The following GPR137B variants were observed in gnomAD, a reference collection of about 807,000 sequenced individuals.
The protein encoded by GPR137B is G protein-coupled receptor 137B.
A neutral mutation model predicts 42.5 loss-of-function variants in GPR137B; 42 were observed. The observed-to-expected ratio is 0.99, with a 90% CI of 0.77 to 1.28. GPR137B has a LOEUF of 1.28. Ranked by LOEUF, GPR137B falls within the 50% of genes most tolerant of loss-of-function variation. The pLI is 0.00. For synonymous variants in GPR137B, 218 were observed against 209.7 expected (o/e 1.04, Z -0.34); for missense variants, 487 against 493.9 (o/e 0.99, Z 0.13).
intron 1 of GPR137B, among the ~76,000 whole-genome samples, chr1:236,159,176 G>C (rs1662114223): frequency 6.6e-6 from 1 of 151,912 alleles, no homozygotes; most frequent in Non-Finnish European, 1.5e-5. Flanking sequence ...CAGGCATTTG[G>C]GCTGCACCTG....
At chr1:236,203,735 T>C (rs1472810189) in intron 5 of GPR137B, among the ~76,000 whole-genome samples, 1 of 152,212 alleles carries the variant, frequency 6.6e-6, no homozygotes, top group Non-Finnish European at 1.5e-5. Context: ...CTTTCACTTC[T>C]TTGTTTAATT....
intron 2 of GPR137B, among the ~76,000 whole-genome samples, chr1:236,169,775 C>T (rs950045900): frequency 2.0e-5 from 3 of 152,074 alleles, no homozygotes; most frequent in African/African-American, 7.2e-5. Context: ...CACGGTGGCT[C>T]ACGCCTGTAA....
chr1:236,192,636 C>G (rs371699394), intron 5 of GPR137B, among the ~76,000 whole-genome samples: 2 of 152,036 alleles, frequency 1.3e-5, no homozygotes, highest in African/African-American at 4.8e-5. Flanking sequence ...GGCGACACCC[C>G]ACCCTGCTTC....
chr1:236,208,662 C>T lies in GPR137B; in HGVS notation c.*504C>T. ...TGGTAGACTCCTAAAATACAGTTGA[C>T]AACTTAGCCAATTGCAACTCCAGTG... On this transcript the variant is annotated 3_prime_UTR_variant, in exon 7 of 7. Transcript: ENST00000366592. The T allele has an allele frequency of 1.0e-6, 1 of 985,548 alleles. No individual in the cohort carries two copies. The highest frequency in any genetic ancestry group is 1.2e-6 in the Non-Finnish European group (1 of 829,750). 61.1% of individuals were successfully genotyped at this position (985,548 alleles called of 1,614,324 possible).
intron 6 of GPR137B, among the ~76,000 whole-genome samples, chr1:236,205,731 G>C (rs938204093): frequency 6.6e-6 from 1 of 152,168 alleles, no homozygotes; most frequent in Non-Finnish European, 1.5e-5. Flanking sequence ...AGTAGAGACG[G>C]GGTTTTGCCA....
chr1:236,207,050 C>T (rs1022408804), intron 6 of GPR137B: 6 of 592,918 alleles, frequency 1.0e-5, no homozygotes, highest in Non-Finnish European at 1.3e-5. Context: ...AAAATATATG[C>T]TTGCCTTTTT....
chr1:236,195,929 C>A (rs1663319804), intron 5 of GPR137B, among the ~76,000 whole-genome samples: 1 of 152,126 alleles, frequency 6.6e-6, no homozygotes, highest in Admixed American at 6.5e-5. Flanking sequence ...ATCTTTTGCC[C>A]ATTTTTAATT....
intron 1 of GPR137B, among the ~76,000 whole-genome samples, chr1:236,149,452 C>A (rs1661774580): frequency 6.6e-6 from 1 of 152,174 alleles, no homozygotes; most frequent in Admixed American, 6.5e-5. Flanking sequence ...GGGTCATAGT[C>A]CTCATTCTTG....
chr1:236,184,745 G>T (rs12075701), intron 5 of GPR137B, among the ~76,000 whole-genome samples: 12,369 of 151,630 alleles, frequency 0.082, 1,470 homozygotes, highest in African/African-American at 0.26. Flanking sequence ...GTCAATGGTG[G>T]TTTTTTTTGT....
chr1:236,198,183 T>C (rs138570015), intron 5 of GPR137B, among the ~76,000 whole-genome samples: 12 of 152,294 alleles, frequency 7.9e-5, no homozygotes, highest in African/African-American at 2.9e-4. Flanking sequence ...TTTAGAATTT[T>C]TTCTATTTCT....
intron 5 of GPR137B, among the ~76,000 whole-genome samples, 160 bp downstream of exon 5, chr1:236,184,066 A>T (rs765877289): frequency 6.6e-6 from 1 of 152,128 alleles, no homozygotes; most frequent in Non-Finnish European, 1.5e-5. Flanking sequence ...CATTTCCCTT[A>T]TCTTTTGAGG....
chr1:236,197,397 C>A (rs1225625682), intron 5 of GPR137B, among the ~76,000 whole-genome samples: 3 of 152,036 alleles, frequency 2.0e-5, no homozygotes, highest in African/African-American at 7.2e-5. Context: ...TTAATTAGGT[C>A]CCATGTATTT....
chr1:236,161,782 A>G (rs1379872480), intron 1 of GPR137B, among the ~76,000 whole-genome samples: 1 of 152,066 alleles, frequency 6.6e-6, no homozygotes, highest in African/African-American at 2.4e-5. Flanking sequence ...CCGCCATGTA[A>G]GAAATGCCTT....
At chr1:236,194,468 A>G (rs1406867605) in intron 5 of GPR137B, among the ~76,000 whole-genome samples, 3 of 152,166 alleles carry the variant, frequency 2.0e-5, no homozygotes, top group African/African-American at 7.2e-5. Context: ...TTTGCTCCTT[A>G]TGTTTGGCTG....
At chr1:236,146,459 G>T (rs1429813686) in intron 1 of GPR137B, among the ~76,000 whole-genome samples, 1 of 152,144 alleles carries the variant, frequency 6.6e-6, no homozygotes, top group Non-Finnish European at 1.5e-5. Flanking sequence ...GTCCGAGATG[G>T]GGAGGAAGCT....
chr1:236,182,067 T>G (rs1253023161), intron 4 of GPR137B, among the ~76,000 whole-genome samples: 2 of 152,050 alleles, frequency 1.3e-5, no homozygotes, highest in Non-Finnish European at 1.5e-5. Context: ...AATTTTTTTG[T>G]ATTTTTAGTA....
rs1402157846 is a variant in GPR137B, at chr1:236,179,996, TTTGA to T, written c.808_811del (p.Asp270MetfsTer12). ...TTCTCAGAACAAGAGCGTCCATTCC[TTTGA>T]TTATGACTGGTACAATGTATCAGAC... On this transcript the variant is annotated frameshift_variant, in exon 4 of 7. Coordinates refer to ENST00000366592, the MANE Select transcript of GPR137B (RefSeq NM_003272.4). LOFTEE classifies it high-confidence loss of function. The T allele has an allele frequency of 1.9e-6, 3 of 1,613,648 alleles. No individual in the cohort carries two copies. In the Admixed American group the frequency reaches 5.0e-5, roughly 27 times the overall value.
At chr1:236,181,956 A>C (rs1399983865) in intron 4 of GPR137B, among the ~76,000 whole-genome samples, 3 of 141,138 alleles carry the variant, frequency 2.1e-5, no homozygotes, top group Non-Finnish European at 4.5e-5. Flanking sequence ...GCAGCCGCAC[A>C]ATCTTGGCTC....
intron 2 of GPR137B, among the ~76,000 whole-genome samples, chr1:236,177,745 G>C (rs1053676367): frequency 6.6e-6 from 1 of 151,724 alleles, no homozygotes; most frequent in African/African-American, 2.4e-5. Context: ...TAGTAGAGAC[G>C]GGGTTTCACC....
Sources: gnomAD v4.1 joint callset for allele counts (sites outside exome capture counted in the v4.1 genomes callset) on GRCh38, gnomAD v4.1.1 for gene constraint, MANE v1.5 for transcripts, NCBI Gene and HGNC (gene_info 2026-07-23, HGNC 2026-07-21) for gene names.